The following KCNJ3 variants were observed in gnomAD, a reference collection of about 807,000 sequenced individuals.
KCNJ3 encodes the protein G protein-activated inward rectifier potassium channel 1.
In KCNJ3, 4 loss-of-function variants were observed where a neutral mutation model predicts 39.2. The observed-to-expected ratio is 0.10, with a 90% CI of 0.05 to 0.23. The LOEUF (loss-of-function observed/expected upper bound fraction) is 0.23. Among genes scored for constraint, KCNJ3 ranks in the 10% least tolerant of loss-of-function variants. The pLI, the probability that KCNJ3 is intolerant of heterozygous loss-of-function variation, is 1.00. For synonymous variants in KCNJ3, 230 were observed against 237.4 expected (o/e 0.97, Z 0.29); for missense variants, 276 against 634.9 (o/e 0.43, Z 6.08).
chr2:154,706,141 T>G (rs546927457), intron 1 of KCNJ3, among the ~76,000 whole-genome samples: 2 of 152,142 alleles, frequency 1.3e-5, no homozygotes, highest in African/African-American at 2.4e-5. Flanking sequence ...ATCTTAACTT[T>G]TAGCGATCGC....
At chr2:154,823,080 ATTGT>A (rs914711479) in intron 2 of KCNJ3, among the ~76,000 whole-genome samples, 5 of 152,038 alleles carry the variant, frequency 3.3e-5, no homozygotes, top group East Asian at 3.9e-4. Flanking sequence ...TTTGAAGTAC[ATTGT>A]TTGACTACTG....
intron 2 of KCNJ3, among the ~76,000 whole-genome samples, chr2:154,769,095 A>G (rs189288828): frequency 1.1e-3 from 162 of 152,272 alleles, no homozygotes; most frequent in Non-Finnish European, 1.9e-3. Flanking sequence ...GGCTGAGACA[A>G]TGGGTTTTTT....
At chr2:154,746,347 G>GCC (rs1206105151) in intron 2 of KCNJ3, among the ~76,000 whole-genome samples, 1 of 151,628 alleles carries the variant, frequency 6.6e-6, no homozygotes, top group Non-Finnish European at 1.5e-5. Context: ...GGCACCCCTA[G>GCC]CCCCCACATT....
chr2:154,722,021 G>T (rs1685270093), intron 2 of KCNJ3, among the ~76,000 whole-genome samples: 1 of 152,074 alleles, frequency 6.6e-6, no homozygotes, highest in African/African-American at 2.4e-5. Flanking sequence ...TCTATTTCTA[G>T]GGTCTAAGTT....
chr2:154,734,790 A>C (rs1360893832), intron 2 of KCNJ3, among the ~76,000 whole-genome samples: 2 of 151,970 alleles, frequency 1.3e-5, no homozygotes, highest in African/African-American at 4.8e-5. Flanking sequence ...GATTTTATAG[A>C]GTTTTGAACC....
chr2:154,857,081 T>C lies in KCNJ3; in HGVS notation c.*1768T>C, dbSNP rs1687852081. The C allele has an allele frequency of 1.3e-5, 2 of 152,160 alleles. No homozygotes were observed. Among genetic ancestry groups the C allele is most frequent in the Non-Finnish European group, 2.9e-5 (2 of 68,018 alleles). 9.4% of individuals were successfully genotyped at this position (152,160 alleles called of 1,614,324 possible). A position where few individuals can be genotyped will look rare whatever the true frequency, so the allele number is the denominator to read the frequency against. On this transcript the variant is annotated 3_prime_UTR_variant, in exon 3 of 3. Transcript: ENST00000295101. ...CTACCTCTGTATCAACCAAATTCTG[T>C]AGGTGCAAACATATACCAGGGAATT...
At chr2:154,829,974 A>G (rs1687336536) in intron 2 of KCNJ3, among the ~76,000 whole-genome samples, 1 of 152,180 alleles carries the variant, frequency 6.6e-6, no homozygotes, top group Non-Finnish European at 1.5e-5. Context: ...ATAGTAGAGA[A>G]GGAGACAGAT....
chr2:154,707,029 G>A (rs1046812508), intron 1 of KCNJ3, among the ~76,000 whole-genome samples: 1 of 152,120 alleles, frequency 6.6e-6, no homozygotes, highest in Non-Finnish European at 1.5e-5. Flanking sequence ...TATAAAGGAA[G>A]AAGGACCTGG....
chr2:154,781,663 T>C (rs1017815334), intron 2 of KCNJ3, among the ~76,000 whole-genome samples: 2 of 152,320 alleles, frequency 1.3e-5, no homozygotes, highest in Admixed American at 1.3e-4. Flanking sequence ...TTGTTTCTGG[T>C]CACTGATATT....
At chr2:154,821,850 C>G (rs1687187936) in intron 2 of KCNJ3, among the ~76,000 whole-genome samples, 1 of 151,666 alleles carries the variant, frequency 6.6e-6, no homozygotes, top group African/African-American at 2.4e-5. Flanking sequence ...TATGTGGGCC[C>G]AGCTGGTCTC....
chr2:154,705,158 A>C (rs1428398150), intron 1 of KCNJ3, among the ~76,000 whole-genome samples: 4 of 152,202 alleles, frequency 2.6e-5, no homozygotes, highest in African/African-American at 9.6e-5. Flanking sequence ...GCTAGGAAAG[A>C]ACGTAGTTAC....
intron 2 of KCNJ3, among the ~76,000 whole-genome samples, chr2:154,785,471 G>A (rs1435673196): frequency 6.6e-6 from 1 of 152,088 alleles, no homozygotes; most frequent in Non-Finnish European, 1.5e-5. Flanking sequence ...GAAGAGGTGG[G>A]GCCTTTAAGA....
chr2:154,727,845 C>A (rs1046892738), intron 2 of KCNJ3, among the ~76,000 whole-genome samples: 1 of 151,116 alleles, frequency 6.6e-6, no homozygotes, highest in Admixed American at 6.6e-5. Flanking sequence ...CAGTTCTGCC[C>A]TTTTCTGGCA....
At chr2:154,783,691 G>T (rs370965768) in intron 2 of KCNJ3, among the ~76,000 whole-genome samples, 2 of 152,076 alleles carry the variant, frequency 1.3e-5, no homozygotes, top group East Asian at 3.9e-4. Flanking sequence ...TCCCAAGTTG[G>T]CACAGCTGCT....
chr2:154,805,034 G>A (rs1686885649), intron 2 of KCNJ3, among the ~76,000 whole-genome samples: 1 of 151,992 alleles, frequency 6.6e-6, no homozygotes, highest in South Asian at 2.1e-4. Flanking sequence ...CACAATGAAG[G>A]ACTGACAAAT....
At chr2:154,825,507 G>A (rs1687255067) in intron 2 of KCNJ3, among the ~76,000 whole-genome samples, 1 of 151,840 alleles carries the variant, frequency 6.6e-6, no homozygotes, top group African/African-American at 2.4e-5. Context: ...TCTAGTCACA[G>A]TAATGAAGGT....
chr2:154,795,114 A>G (rs1255273144), intron 2 of KCNJ3, among the ~76,000 whole-genome samples: 8 of 152,052 alleles, frequency 5.3e-5, no homozygotes, highest in East Asian at 1.9e-4. Context: ...TAACATTTAC[A>G]TGTATCTTGG....
intron 2 of KCNJ3, among the ~76,000 whole-genome samples, chr2:154,771,232 T>C (rs1232234273): frequency 1.3e-5 from 2 of 152,114 alleles, no homozygotes; most frequent in Non-Finnish European, 2.9e-5. Context: ...AGGAAATTTA[T>C]CTGGAAGAGG....
At chr2:154,701,983 T>C (rs1270449954) in intron 1 of KCNJ3, among the ~76,000 whole-genome samples, 8 of 151,958 alleles carry the variant, frequency 5.3e-5, no homozygotes, top group Non-Finnish European at 1.2e-4. Context: ...ATTGGGGAAA[T>C]AATAACATTC....
Sources: gnomAD v4.1 joint callset for allele counts (sites outside exome capture counted in the v4.1 genomes callset) on GRCh38, gnomAD v4.1.1 for gene constraint, MANE v1.5 for transcripts, NCBI Gene and HGNC (gene_info 2026-07-23, HGNC 2026-07-21) for gene names.